Variants in BRD10 observed in about 807,000 individuals in gnomAD.
BRD10 encodes bromodomain containing 10.
the BRD10 span, among the ~76,000 whole-genome samples, chr9:5,924,288 CT>C: frequency 3.1e-3 from 441 of 142,694 alleles, 1 homozygote; most frequent in African/African-American, 4.2e-3. Context: ...CTCCAAGAAA[CT>C]TTTTTTTTTT....
chr9:5,995,957 G>C, the BRD10 span, among the ~76,000 whole-genome samples: 1 of 152,044 alleles, frequency 6.6e-6, no homozygotes, highest in Non-Finnish European at 1.5e-5. Context: ...AATGTGAAAA[G>C]TCAAAAAGAA....
At chr9:5,973,380 T>C in the BRD10 span, among the ~76,000 whole-genome samples, 1 of 152,130 alleles carries the variant, frequency 6.6e-6, no homozygotes, top group Non-Finnish European at 1.5e-5. Flanking sequence ...GGCAGGAGAA[T>C]CGCTTGAACC....
the BRD10 span, among the ~76,000 whole-genome samples, chr9:5,879,840 C>G: frequency 6.6e-6 from 1 of 152,166 alleles, no homozygotes; most frequent in Admixed American, 6.5e-5. Flanking sequence ...CTAAAAAATC[C>G]CATAGCTCGG....
chr9:5,922,303 G>A, the BRD10 span: 1 of 1,613,938 alleles, frequency 6.2e-7, no homozygotes, highest in Non-Finnish European at 8.5e-7. Context: ...GCTGACCTGT[G>A]GAGGAAATGG....
the BRD10 span, chr9:5,922,143 G>A: frequency 6.2e-7 from 1 of 1,613,792 alleles, no homozygotes; most frequent in Non-Finnish European, 8.5e-7. Context: ...TTCCCACCTC[G>A]TGTCCTAACA....
At chr9:5,988,425 G>C in the BRD10 span, 1 of 1,613,784 alleles carries the variant, frequency 6.2e-7, no homozygotes, top group Non-Finnish European at 8.5e-7. Flanking sequence ...CACTTGTCAA[G>C]CCTGCCAAAC....
chr9:5,976,437 T>C, the BRD10 span, among the ~76,000 whole-genome samples: 1 of 152,214 alleles, frequency 6.6e-6, no homozygotes, highest in East Asian at 1.9e-4. Flanking sequence ...TGTAATAGGA[T>C]ACTGTATCTT....
the BRD10 span, among the ~76,000 whole-genome samples, chr9:5,903,503 G>C: frequency 6.6e-6 from 1 of 152,082 alleles, no homozygotes; most frequent in Admixed American, 6.5e-5. Context: ...TTTGATATTA[G>C]GGTAATGTTG....
At chr9:5,933,866 T>A in the BRD10 span, 4 of 469,782 alleles carry the variant, frequency 8.5e-6, no homozygotes, top group African/African-American at 8.0e-5. Context: ...CTACTGATGC[T>A]GGGGACATTG....
At chr9:5,952,094 C>T in the BRD10 span, among the ~76,000 whole-genome samples, 7 of 152,022 alleles carry the variant, frequency 4.6e-5, no homozygotes, top group African/African-American at 1.7e-4. Context: ...GATGTTGGCT[C>T]ACTGCAACCT....
the BRD10 span, among the ~76,000 whole-genome samples, chr9:5,940,589 T>C: frequency 6.6e-6 from 1 of 152,210 alleles, no homozygotes; most frequent in Non-Finnish European, 1.5e-5. Context: ...TGTGTTAATA[T>C]TGTTTAGTTA....
At chr9:5,920,109 G>T in the BRD10 span, 1 of 1,613,812 alleles carries the variant, frequency 6.2e-7, no homozygotes. Context: ...AATTTTGTAG[G>T]GCTTCTTAGA....
At chr9:5,890,651 C>T in the BRD10 span, among the ~76,000 whole-genome samples, 6 of 152,088 alleles carry the variant, frequency 3.9e-5, no homozygotes, top group East Asian at 9.6e-4. Flanking sequence ...CATGGCAATC[C>T]TATGGAGGAG....
At chr9:5,930,630 T>C in the BRD10 span, among the ~76,000 whole-genome samples, 6 of 152,162 alleles carry the variant, frequency 3.9e-5, no homozygotes, top group East Asian at 9.6e-4. Context: ...CCGAGGCTCA[T>C]GACTAATTCT....
chr9:5,930,541 C>CT, the BRD10 span, among the ~76,000 whole-genome samples: 3 of 151,814 alleles, frequency 2.0e-5, no homozygotes, highest in Non-Finnish European at 2.9e-5. Context: ...GTTTTTATAT[C>CT]TTAGAAGAGG....
At chr9:5,957,729 G>GA in the BRD10 span, among the ~76,000 whole-genome samples, 2 of 151,786 alleles carry the variant, frequency 1.3e-5, no homozygotes, top group South Asian at 2.1e-4. Context: ...TATATATCCT[G>GA]AAAAAAACAA....
At chr9:5,920,543 C>T in the BRD10 span, 1 of 1,613,942 alleles carries the variant, frequency 6.2e-7, no homozygotes, top group Non-Finnish European at 8.5e-7. Flanking sequence ...AGTTATTTTA[C>T]CTGGACTTGT....
At chr9:5,924,647 T>C in the BRD10 span, 7 of 1,471,262 alleles carry the variant, frequency 4.8e-6, no homozygotes, top group Non-Finnish European at 6.4e-6. Context: ...AAAAAAAAGT[T>C]TAATGCTTAC....
chr9:6,007,108 AGGCCCCT>A, the BRD10 span: 1 of 1,372,974 alleles, frequency 7.3e-7, no homozygotes, highest in South Asian at 1.3e-5. Context: ...CGCCGCCCCC[AGGCCCCT>A]GGCCCAGCCC....
Sources: allele counts gnomAD v4.1 joint callset (sites outside exome capture counted in the v4.1 genomes callset), GRCh38; gene constraint gnomAD v4.1.1; transcripts MANE v1.5; gene names NCBI Gene and HGNC (gene_info 2026-07-23, HGNC 2026-07-21).